The following LTBP3 variants were observed in gnomAD, a reference collection of about 807,000 sequenced individuals.
LTBP3 encodes latent-transforming growth factor beta-binding protein 3.
Under a neutral mutation model 159.7 loss-of-function variants are expected in LTBP3, and 97 were observed. The observed-to-expected ratio is 0.61, with a 90% CI of 0.52 to 0.72. LTBP3 has a LOEUF of 0.72. Among genes scored for constraint, LTBP3 ranks in the 30% least tolerant of loss-of-function variants. LTBP3 has a pLI of 0.00. For synonymous variants in LTBP3, 824 were observed against 777.1 expected, an observed-to-expected ratio of 1.06 and a Z score of -1.00; for missense variants, 1,584 against 1,864.3, an observed-to-expected ratio of 0.85 and a Z score of 2.77.
Position 65,543,108 on chromosome 11 carries a change from G to C in LTBP3, c.2593C>G (p.Gln865Glu). The C allele has an allele frequency of 6.2e-7, 1 of 1,613,988 alleles. No individual in the cohort carries two copies. The highest frequency in any genetic ancestry group is 1.1e-5 in the South Asian group (1 of 91,072). Residue 865 changes from glutamine (Q) to glutamate (E), a missense_variant, in exon 18 of 28, where the codon CAA (glutamine) becomes GAA (glutamate). Gln to Glu is a conservative substitution (Grantham distance 29, BLOSUM62 2). Coordinates refer to ENST00000301873, the MANE Select transcript of LTBP3 (RefSeq NM_001130144.3). Reference sequence around the variant, plus strand: ...ACCCTCAGCCAGTCCCCCATACCTTGGCATTTCCTGCCACCCACCAGCCGA... The same window carrying C: ...ACCCTCAGCCAGTCCCCCATACCTTCGCATTTCCTGCCACCCACCAGCCGA... ...GHRLVGGRKC[Q>E]DIDECSQDPS... is the part of the protein sequence containing the mutation.
chr11:65,541,274 G>T lies in LTBP3; in HGVS notation c.2745C>A (p.His915Gln). 6.2e-7 allele frequency: 1 copy of T among 1,612,344 alleles called. No homozygotes were observed. Among genetic ancestry groups the T allele is most frequent in the Non-Finnish European group, 8.5e-7 (1 of 1,179,984 alleles). ...CGAAGTTCAGGTAGCACTCCTTCTT[G>T]TGGTGGGGCTGCTCCACCTCTGAGG... ...HGCEEVEQPH[H>Q]KKECYLNFDD... The change falls in exon 20 of 28, where the codon CAC becomes CAA. Residue 915 changes from histidine (H) to glutamine (Q), a missense_variant. Around this residue, in one of 6 missense-constraint regions of LTBP3, gnomAD observed 565 missense variants for 677.7 expected, o/e 0.83. Transcript: ENST00000301873.
In LTBP3 at chr11:65,553,014, C is replaced by T. The variant is rs200080055; in HGVS notation, c.1064-32G>A. ...TAAGTGGAAGTTTGGCCCCTCTGGT[C>T]TGGGGCCATGGGGTGACAGCAGGCT... On this transcript the variant is annotated intron_variant, in intron 5 of 27. Coordinates refer to ENST00000301873, the MANE Select transcript of LTBP3 (RefSeq NM_001130144.3). The surrounding 1 kb of genome is among the most constrained non-coding windows in gnomAD (Gnocchi z 6.5). 1,287 of 1,613,930 alleles carry T rather than the reference C, an allele frequency of 8.0e-4. 9 individuals are homozygous for T. In the African/African-American group the frequency reaches 0.013, roughly 16 times the overall value.
Position 65,541,204 on chromosome 11 carries a change from G to A in LTBP3, c.2815C>T (p.Gln939Ter). Residue 939 changes from glutamine (Q) to a stop codon, truncating the protein, a stop_gained, in exon 20 of 28, where the codon CAG (glutamine) becomes TAG (stop). Transcript: ENST00000301873. LOFTEE classifies it high-confidence loss of function. Reference sequence around the variant, plus strand: ...CCCAGAGAGCAGCAGCACTCCTGCTGGGTCACGTTGGTGGCCAATACGCTG... The same window carrying A: ...CCCAGAGAGCAGCAGCACTCCTGCTAGGTCACGTTGGTGGCCAATACGCTG... ...CDSVLATNVTQQECCCSLGAG... is the reference protein window; with the variant it reads ...CDSVLATNVT 3 of 1,613,776 alleles carry A rather than the reference G, an allele frequency of 1.9e-6. No individual in the cohort carries two copies. The highest frequency in any genetic ancestry group is 2.5e-6 in the Non-Finnish European group (3 of 1,179,978).
intron 25 of LTBP3, 40 bp downstream of exon 25, chr11:65,539,680 C>G (rs1216457437): frequency 6.3e-7 from 1 of 1,578,756 alleles, no homozygotes; most frequent in Non-Finnish European, 8.6e-7. Context: ...GCCCTGGCCC[C>G]CATCCTCGCT....
chr11:65,548,330 A>G, intron 11 of LTBP3: 1 of 596,332 alleles, frequency 1.7e-6, no homozygotes, highest in Non-Finnish European at 3.0e-6. Flanking sequence ...CTCACCTCAA[A>G]CCAAACCACA....
chr11:65,538,908 C>T lies in LTBP3; in HGVS notation c.*172G>A. The T allele has an allele frequency of 8.0e-7, 1 of 1,255,746 alleles. No homozygotes were observed. The highest frequency in any genetic ancestry group is 1.0e-6 in the Non-Finnish European group (1 of 979,810). The allele number at this position is 1,255,746 out of a possible 1,614,324, so 77.8% of individuals were successfully genotyped here. On this transcript the variant is annotated 3_prime_UTR_variant, in exon 28 of 28. Coordinates refer to ENST00000301873, the MANE Select transcript of LTBP3 (RefSeq NM_001130144.3). ...CCGCCGGAGACCTTACAACCGCCCGCTAACCGGGGAGGGGGGCCGGTAGGG... is the reference window on the plus strand; with the variant it reads ...CCGCCGGAGACCTTACAACCGCCCGTTAACCGGGGAGGGGGGCCGGTAGGG...
Position 65,546,565 on chromosome 11 carries a change from C to A in LTBP3, c.2231-1G>T. On this transcript the variant is annotated splice_acceptor_variant, in intron 15 of 27. Transcript: ENST00000301873. LOFTEE classifies it high-confidence loss of function. The surrounding 1 kb of genome is among the most constrained non-coding windows in gnomAD (Gnocchi z 4.0). ...CTGCCCTCGGCGCACTCGTTCACGTCTGCGGCGGAAAGACCTAGCCTCGGA... is the reference window on the plus strand; with the variant it reads ...CTGCCCTCGGCGCACTCGTTCACGTATGCGGCGGAAAGACCTAGCCTCGGA... 6.2e-7 allele frequency: 1 copy of A among 1,602,174 alleles called. No homozygotes were observed. Among genetic ancestry groups the A allele is most frequent in the African/African-American group, 1.3e-5 (1 of 75,014 alleles).
At position 65,546,613 on chromosome 11, in the gene LTBP3, C is replaced by G; in HGVS notation, c.2231-49G>C. On this transcript the variant is annotated intron_variant, in intron 15 of 27. Transcript: ENST00000301873. This position sits in a 1 kb window ranked among gnomAD's most constrained non-coding sequence, Gnocchi z 4.0. Reference sequence around the variant, plus strand: ...GGACTCTGCCCCACCGGAAGGCGGACCGCGCACCTCGCGGGGGTGTGGGTC... The same window carrying G: ...GGACTCTGCCCCACCGGAAGGCGGAGCGCGCACCTCGCGGGGGTGTGGGTC... 1 of 1,596,938 alleles carries G rather than the reference C, an allele frequency of 6.3e-7. No individual in the cohort carries two copies. Among genetic ancestry groups the G allele is most frequent in the Non-Finnish European group, 8.5e-7 (1 of 1,178,970 alleles).
At chr11:65,557,404 A>G (rs1235810345) in intron 1 of LTBP3, among the ~76,000 whole-genome samples, 2 of 151,512 alleles carry the variant, frequency 1.3e-5, no homozygotes, top group African/African-American at 4.9e-5. Context: ...TTAGGCCCCA[A>G]CCCTAACGCA....
intron 20 of LTBP3, 66 bp from the exon 21 acceptor site, chr11:65,541,020 T>G (rs924414188): frequency 1.9e-6 from 3 of 1,584,538 alleles, no homozygotes; most frequent in African/African-American, 2.7e-5. Context: ...GGCTTAGGGC[T>G]GCAGCCCGCC....
Position 65,558,242 on chromosome 11 carries a change from G to A in LTBP3, c.-283C>T. On this transcript the variant is annotated 5_prime_UTR_variant, in exon 1 of 28. Transcript: ENST00000301873. The stretch of plus-strand genomic sequence containing the variant: ...GGCCGGAGCAAGTTGAGGCGGAGAG[G>A]AGGAGCGAGGGAGAGGAAGGCCGGG... 1 of 1,041,482 alleles carries A rather than the reference G, an allele frequency of 9.6e-7. No homozygotes were observed. Among genetic ancestry groups the A allele is most frequent in the South Asian group, 4.6e-5 (1 of 21,748 alleles). 64.5% of individuals were successfully genotyped at this position (1,041,482 alleles called of 1,614,324 possible).
chr11:65,556,254 G>A (rs10896015), intron 1 of LTBP3, among the ~76,000 whole-genome samples: 39,089 of 152,076 alleles, frequency 0.26, 5,274 homozygotes, highest in African/African-American at 0.31. Flanking sequence ...TTGGCCGGGC[G>A]CAGTGGCTCA....
rs752884676 is a variant in LTBP3, at chr11:65,546,751, G to C, written c.2230+47C>G. The C allele has an allele frequency of 1.3e-5, 20 of 1,575,446 alleles. No homozygotes were observed. The highest frequency in any genetic ancestry group is 1.7e-5 in the Non-Finnish European group (20 of 1,165,150). ...CGCCCCCAGCGGAGCCAGACTGGGG[G>C]AGGCACCTGACGGCCCCACCCACTC... is the stretch of plus-strand genomic sequence containing the variant. On this transcript the variant is annotated intron_variant, in intron 15 of 27. Transcript: ENST00000301873. This position sits in a 1 kb window ranked among gnomAD's most constrained non-coding sequence, Gnocchi z 4.0.
Position 65,552,317 on chromosome 11 carries a change from G to A in LTBP3, c.1276C>T (p.Gln426Ter). 1 of 1,614,022 alleles carries A rather than the reference G, an allele frequency of 6.2e-7. No individual in the cohort carries two copies. Residue 426 changes from glutamine (Q) to a stop codon, truncating the protein, a stop_gained, in exon 7 of 28, where the codon CAG becomes TAG. Coordinates refer to ENST00000301873, the MANE Select transcript of LTBP3 (RefSeq NM_001130144.3). LOFTEE classifies it high-confidence loss of function. This position sits in a 1 kb window ranked among gnomAD's most constrained non-coding sequence, Gnocchi z 6.0. ...TTGCCGACACTGCAGCAGCAGAGCT[G>A]GCGGGTCAGGCGGGTGGTCAGTGGG... The part of the protein sequence containing the change: ...QHPLTTRLTR[Q>*]LCCCSVGKAW...
Position 65,538,656 on chromosome 11 carries a change from G to A in LTBP3, c.*424C>T. The A allele has an allele frequency of 7.0e-7, 1 of 1,437,024 alleles. No homozygotes were observed. Among genetic ancestry groups the A allele is most frequent in the Non-Finnish European group, 9.3e-7 (1 of 1,070,202 alleles). 89.0% of individuals were successfully genotyped at this position (1,437,024 alleles called of 1,614,324 possible). A position where few individuals can be genotyped will look rare whatever the true frequency, so the allele number is the denominator to read the frequency against. ...CATGTGAGCCCGGCCGGCCCAGCCA[G>A]GCCATCTCACGTGTACATAATCAGA... On this transcript the variant is annotated 3_prime_UTR_variant, in exon 28 of 28. Transcript: ENST00000301873.
chr11:65,549,496 C>T (rs1438847604), intron 11 of LTBP3, among the ~76,000 whole-genome samples: 1 of 150,748 alleles, frequency 6.6e-6, no homozygotes, highest in Non-Finnish European at 1.5e-5. Context: ...ACTGCAACCT[C>T]TATCTCCCAG....
Position 65,552,268 on chromosome 11 carries a change from C to G in LTBP3, c.1325G>C (p.Arg442Pro). 1 of 1,614,122 alleles carries G rather than the reference C, an allele frequency of 6.2e-7. No individual in the cohort carries two copies. The highest frequency in any genetic ancestry group is 8.5e-7 in the Non-Finnish European group (1 of 1,180,014). The change falls in exon 7 of 28, where the codon CGC becomes CCC. Residue 442 changes from arginine (R) to proline (P), a missense_variant. Physicochemically the swap from Arg to Pro is moderately radical, Grantham distance 103. Around this residue, in one of 6 missense-constraint regions of LTBP3, gnomAD observed 156 missense variants for 259.7 expected, o/e 0.60. Coordinates refer to ENST00000301873, the MANE Select transcript of LTBP3 (RefSeq NM_001130144.3). This position sits in a 1 kb window ranked among gnomAD's most constrained non-coding sequence, Gnocchi z 6.0. ...CTCACCGGTGCCATCTGTTGGGCAG[C>G]GCTGACACCGCGCGCCCCAGGCCTT... ...VGKAWGARCQRCPTDGTAAFK... is the reference protein window; with the variant it reads ...VGKAWGARCQPCPTDGTAAFK...
In LTBP3 at chr11:65,551,169, A is replaced by C; in HGVS notation, c.1677T>G (p.Pro559=). ...PTMRWFLPDL[P]PSRSAVEIAP... ...CGATCTCTACGGCGCTGCGGGAAGG[A>C]GGCAAGTCCGGCAGGAACCAGCGCA... is the stretch of plus-strand genomic sequence containing the variant. Residue 559 remains proline (P), a synonymous_variant, in exon 11 of 28, where the codon CCT becomes CCG. Coordinates refer to ENST00000301873, the MANE Select transcript of LTBP3 (RefSeq NM_001130144.3). The C allele has an allele frequency of 6.4e-7, 1 of 1,553,560 alleles. No individual in the cohort carries two copies. Among genetic ancestry groups the C allele is most frequent in the Non-Finnish European group, 8.7e-7 (1 of 1,148,830 alleles).
In LTBP3 at chr11:65,557,882, C is replaced by CAGCAGT; in HGVS notation, c.77_78insACTGCT (p.Leu34_Leu35dup). The stretch of plus-strand genomic sequence containing the variant: ...GCAGCAGCAGCAGCAGCAGCAGCAG[C>CAGCAGT]AGCGCCAGCAGCCCCGCCGCCCCCG... On this transcript the variant is annotated inframe_insertion, in exon 1 of 28. Transcript: ENST00000301873. The CAGCAGT allele has an allele frequency of 7.6e-7, 1 of 1,310,004 alleles. No homozygotes were observed. 81.1% of individuals were successfully genotyped at this position (1,310,004 alleles called of 1,614,324 possible).
Sources: allele counts gnomAD v4.1 joint callset (sites outside exome capture counted in the v4.1 genomes callset), GRCh38; gene constraint gnomAD v4.1.1; regional missense constraint gnomAD v4.1.1; non-coding constraint Gnocchi (gnomAD v3.1); transcripts MANE v1.5; gene names NCBI Gene and HGNC (gene_info 2026-07-23, HGNC 2026-07-21).